The following MAGI2 variants were observed in gnomAD, a reference collection of about 807,000 sequenced individuals.
MAGI2 encodes membrane associated guanylate kinase, WW and PDZ domain containing 2.
MAGI2 carries 35 observed loss-of-function variants against 133.3 expected under a neutral mutation model. The ratio of observed to expected loss-of-function variants is 0.26; its 90% CI spans 0.20 to 0.35. The LOEUF is 0.35. MAGI2 is among the 10% of genes least tolerant of loss of function. The probability of loss-of-function intolerance (pLI) is 1.00; values close to 1 mark genes in which losing one functional copy is unlikely to be tolerated. For synonymous variants in MAGI2, 729 were observed against 710.6 expected, an observed-to-expected ratio of 1.03 and a Z score of -0.41; for missense variants, 1,636 against 1,863.4, an observed-to-expected ratio of 0.88 and a Z score of 2.25.
At chr7:78,388,656 T>G (rs1795626638) in intron 6 of MAGI2, among the ~76,000 whole-genome samples, 1 of 152,194 alleles carries the variant, frequency 6.6e-6, no homozygotes, top group Non-Finnish European at 1.5e-5. Context: ...AGAGAGGACC[T>G]GATTTATAAA....
chr7:78,653,031 A>G (rs1304127813), intron 2 of MAGI2, among the ~76,000 whole-genome samples: 1 of 152,230 alleles, frequency 6.6e-6, no homozygotes, highest in East Asian at 1.9e-4. Context: ...AACATATGAA[A>G]AAAAGCTCAT....
At chr7:79,321,476 A>G (rs980005061) in intron 1 of MAGI2, among the ~76,000 whole-genome samples, 4 of 152,214 alleles carry the variant, frequency 2.6e-5, no homozygotes, top group African/African-American at 4.8e-5. Flanking sequence ...CCACGTTAAC[A>G]TTCTCACAGA....
chr7:78,775,389 T>C (rs1583839871), intron 2 of MAGI2, among the ~76,000 whole-genome samples: 2 of 113,264 alleles, frequency 1.8e-5, no homozygotes, highest in East Asian at 5.2e-4. Context: ...GGCCAAAAAT[T>C]AATCGGGAAA....
rs376899552 is a variant in MAGI2 at position 79,128,982 on chromosome 7, C to A, written c.302-121776G>T. 2.6e-5 allele frequency among the ~76,000 whole-genome samples: 4 copies of A among 152,102 alleles called. No individual in the cohort carries two copies. The East Asian group carries it at 7.7e-4, about 29-fold the overall frequency. ...ATCTCTCGAGTTCCAGCGCTTCTTC[C>A]ACCTCAGCCTCCCGAGTAGCTGGGA... On this transcript the variant is annotated intron_variant, in intron 1 of 21. Transcript: ENST00000354212.
intron 1 of MAGI2, among the ~76,000 whole-genome samples, chr7:79,171,770 A>ATTTTTTTTTTTTTTTTTT (rs144599296): frequency 3.2e-5 from 1 of 31,204 alleles, no homozygotes; most frequent in African/African-American, 6.5e-5. Flanking sequence ...ATATATATAT[A>ATTTTTTTTTTTTTTTTTT]TTTTTTTTTT....
chr7:79,257,128 T>C (rs1022250585), intron 1 of MAGI2, among the ~76,000 whole-genome samples: 1 of 152,118 alleles, frequency 6.6e-6, no homozygotes, highest in African/African-American at 2.4e-5. Flanking sequence ...CAAAACATCA[T>C]ACATGATAAA....
At chr7:78,331,343 C>A (rs1319330454) in intron 9 of MAGI2, among the ~76,000 whole-genome samples, 1 of 151,982 alleles carries the variant, frequency 6.6e-6, no homozygotes, top group Non-Finnish European at 1.5e-5. Context: ...TGCACAGGTA[C>A]CCCTGAATCT....
intron 1 of MAGI2, among the ~76,000 whole-genome samples, chr7:79,222,666 A>G (rs984785788): frequency 3.3e-5 from 5 of 152,058 alleles, no homozygotes; most frequent in African/African-American, 1.2e-4. Context: ...TGGTAAAAAC[A>G]TAAAATAATA....
intron 5 of MAGI2, among the ~76,000 whole-genome samples, chr7:78,499,837 C>T (rs1218183218): frequency 6.6e-6 from 1 of 152,172 alleles, no homozygotes; most frequent in African/African-American, 2.4e-5. Flanking sequence ...TTTGTGATCT[C>T]ATATCTAAGA....
intron 20 of MAGI2, among the ~76,000 whole-genome samples, chr7:78,090,592 A>G (rs988234832): frequency 1.3e-5 from 2 of 152,242 alleles, no homozygotes; most frequent in South Asian, 2.1e-4. Flanking sequence ...TCTTAAATGA[A>G]TAAGTAAATG....
At chr7:78,479,415 A>G (rs901085016) in intron 6 of MAGI2, among the ~76,000 whole-genome samples, 6 of 152,048 alleles carry the variant, frequency 3.9e-5, no homozygotes, top group Middle Eastern at 3.4e-3. Flanking sequence ...AATACTTTCC[A>G]TCCTACAGAT....
intron 2 of MAGI2, among the ~76,000 whole-genome samples, chr7:78,658,713 T>C (rs995435138): frequency 1.3e-5 from 2 of 152,146 alleles, no homozygotes; most frequent in Non-Finnish European, 2.9e-5. Flanking sequence ...CATACAATAA[T>C]GTTCAACATC....
intron 2 of MAGI2, among the ~76,000 whole-genome samples, chr7:78,650,973 G>A (rs1251852536): frequency 1.3e-5 from 2 of 152,142 alleles, no homozygotes; most frequent in Non-Finnish European, 2.9e-5. Flanking sequence ...TTTCTCAGTG[G>A]TGATTTGAGG....
intron 2 of MAGI2, among the ~76,000 whole-genome samples, chr7:78,644,621 A>G (rs1810652864): frequency 6.6e-6 from 1 of 152,174 alleles, no homozygotes; most frequent in Admixed American, 6.5e-5. Flanking sequence ...AACACAATAT[A>G]TCAAAATTAG....
At chr7:78,752,602 CA>C (rs1823560268) in intron 2 of MAGI2, among the ~76,000 whole-genome samples, 1 of 151,994 alleles carries the variant, frequency 6.6e-6, no homozygotes, top group African/African-American at 2.4e-5. Context: ...GACTCCATCT[CA>C]AAAAAATAAA....
intron 1 of MAGI2, among the ~76,000 whole-genome samples, chr7:79,401,434 A>T (rs1845461868): frequency 1.3e-5 from 2 of 152,204 alleles, no homozygotes; most frequent in African/African-American, 2.4e-5. Context: ...GGAGTGGCAA[A>T]GAATGTGGGC....
intron 1 of MAGI2, among the ~76,000 whole-genome samples, chr7:79,047,724 C>G (rs959559585): frequency 6.6e-6 from 1 of 151,952 alleles, no homozygotes; most frequent in Non-Finnish European, 1.5e-5. Context: ...TATATTATCA[C>G]CTAGTATTAT....
intron 2 of MAGI2, among the ~76,000 whole-genome samples, chr7:78,790,927 C>T (rs1827193993): frequency 6.6e-6 from 1 of 152,166 alleles, no homozygotes; most frequent in African/African-American, 2.4e-5. Context: ...CCACAGCTAG[C>T]ACAGTATCTG....
intron 2 of MAGI2, among the ~76,000 whole-genome samples, chr7:78,740,800 A>T (rs1822340920): frequency 6.6e-6 from 1 of 152,234 alleles, no homozygotes; most frequent in Non-Finnish European, 1.5e-5. Flanking sequence ...AGGATATGTG[A>T]AAGCAAACAA....
Sources: gnomAD v4.1 joint callset for allele counts (sites outside exome capture counted in the v4.1 genomes callset) on GRCh38, gnomAD v4.1.1 for gene constraint, MANE v1.5 for transcripts, NCBI Gene and HGNC (gene_info 2026-07-23, HGNC 2026-07-21) for gene names.